The following CLOCK variants were observed in gnomAD, a reference collection of about 807,000 sequenced individuals.
CLOCK encodes circadian locomoter output cycles protein kaput.
CLOCK carries 43 observed loss-of-function variants against 118.4 expected under a neutral mutation model. The ratio of observed to expected loss-of-function variants is 0.36; its 90% confidence interval spans 0.28 to 0.47. CLOCK has a LOEUF of 0.47. Among genes scored for constraint, CLOCK ranks in the 20% least tolerant of loss-of-function variants. The pLI, the probability that CLOCK is intolerant of heterozygous loss-of-function variation, is 1.00. For synonymous variants in CLOCK, 326 were observed against 339.2 expected (o/e 0.96, Z 0.43); for missense variants, 846 against 999.9 (o/e 0.85, Z 2.08).
intron 2 of CLOCK, among the ~76,000 whole-genome samples, chr4:55,508,819 C>T (rs756113800): frequency 1.3e-5 from 2 of 152,150 alleles, no homozygotes; most frequent in Non-Finnish European, 2.9e-5. Context: ...GTCTCGATAT[C>T]CTGACCTCAT....
chr4:55,459,349 G>A (rs1299580727), intron 9 of CLOCK, 88 bp from the exon 10 acceptor site: 5 of 839,600 alleles, frequency 6.0e-6, no homozygotes, highest in Non-Finnish European at 1.0e-5. Flanking sequence ...TAAAAGTTGT[G>A]TAAGTTTACA....
intron 3 of CLOCK, among the ~76,000 whole-genome samples, chr4:55,483,051 A>T (rs1727038739): frequency 6.6e-6 from 1 of 152,210 alleles, no homozygotes; most frequent in Non-Finnish European, 1.5e-5. Context: ...ATTCAGGCTC[A>T]TATTAACTTT....
chr4:55,453,664 A>C lies in CLOCK; in HGVS notation c.1130+13T>G, dbSNP rs766355075. The C allele has an allele frequency of 1.9e-6, 3 of 1,605,582 alleles. No homozygotes were observed. Among genetic ancestry groups the C allele is most frequent in the Non-Finnish European group, 2.6e-6 (3 of 1,174,074 alleles). ...GTTACAGTAATTCAGAAATTCTCTAAAAGAATTATTACCTTACTACAGTGT... is the reference window on the plus strand; with the variant it reads ...GTTACAGTAATTCAGAAATTCTCTACAAGAATTATTACCTTACTACAGTGT... On this transcript the variant is annotated intron_variant, in intron 14 of 22. Coordinates refer to ENST00000513440, the MANE Select transcript of CLOCK (RefSeq NM_004898.4).
chr4:55,511,932 G>C (rs567234922), intron 1 of CLOCK, among the ~76,000 whole-genome samples: 1 of 151,588 alleles, frequency 6.6e-6, no homozygotes, highest in Non-Finnish European at 1.5e-5. Context: ...GTCTTTTCAC[G>C]GCTTGATAAT....
intron 18 of CLOCK, among the ~76,000 whole-genome samples, 178 bp downstream of exon 18, chr4:55,448,601 C>CGCACGT (rs764071880): frequency 8.5e-6 from 1 of 116,980 alleles, no homozygotes; most frequent in African/African-American, 3.1e-5. Context: ...CGCACGCGCG[C>CGCACGT]GTGTGTGTGT....
At chr4:55,487,088 A>AT (rs34240681) in intron 3 of CLOCK, among the ~76,000 whole-genome samples, 1 of 151,942 alleles carries the variant, frequency 6.6e-6, no homozygotes, top group Non-Finnish European at 1.5e-5. Flanking sequence ...TTTCCAATGA[A>AT]TTTTTCATTT....
At chr4:55,537,987 T>G (rs1731013228) in intron 1 of CLOCK, among the ~76,000 whole-genome samples, 1 of 152,070 alleles carries the variant, frequency 6.6e-6, no homozygotes, top group Non-Finnish European at 1.5e-5. Context: ...AGGCAGTCAA[T>G]TAAACTAAAA....
intron 1 of CLOCK, among the ~76,000 whole-genome samples, chr4:55,532,853 G>A (rs1730641705): frequency 6.6e-6 from 1 of 151,900 alleles, no homozygotes; most frequent in Non-Finnish European, 1.5e-5. Flanking sequence ...TTTAAACAAA[G>A]AAAAGGGGTC....
At chr4:55,506,613 C>T (rs1728811585) in intron 2 of CLOCK, among the ~76,000 whole-genome samples, 1 of 151,492 alleles carries the variant, frequency 6.6e-6, no homozygotes, top group Admixed American at 6.6e-5. Flanking sequence ...TCGCTCTGTC[C>T]AGGCTGGTGT....
intron 2 of CLOCK, among the ~76,000 whole-genome samples, chr4:55,499,924 C>T (rs1002707355): frequency 6.6e-6 from 1 of 152,188 alleles, no homozygotes; most frequent in African/African-American, 2.4e-5. Context: ...CCAAAGCATG[C>T]TCCAGCTTCC....
At chr4:55,486,712 T>A (rs192337656) in intron 3 of CLOCK, among the ~76,000 whole-genome samples, 1 of 152,304 alleles carries the variant, frequency 6.6e-6, no homozygotes, top group East Asian at 1.9e-4. Context: ...GCTTCCAGTG[T>A]GGTGTCAAGA....
chr4:55,450,279 A>G (rs201482489), intron 15 of CLOCK, 47 bp from the exon 16 acceptor site: 2 of 1,611,244 alleles, frequency 1.2e-6, no homozygotes, highest in African/African-American at 1.3e-5. Context: ...TTCAGTTCAG[A>G]GATCTCAAAT....
At position 55,444,750 on chromosome 4, in the gene CLOCK, A is replaced by T. The variant is rs141240333; in HGVS notation, c.1575T>A (p.His525Gln). The T allele has an allele frequency of 4.0e-5, 64 of 1,613,926 alleles. No homozygotes were observed. The highest frequency in any genetic ancestry group is 5.2e-5 in the Non-Finnish European group (61 of 1,179,998). Reference sequence around the variant, plus strand: ...TCCGTTGTTCCAATTGGTCTTTCAGATGTTGCATGGCTCCTAATTGAGCTG... The same window carrying T: ...TCCGTTGTTCCAATTGGTCTTTCAGTTGTTGCATGGCTCCTAATTGAGCTG... ...QFSAQLGAMQ[H>Q]LKDQLEQRTR... The change falls in exon 19 of 23, where the codon CAT becomes CAA. Residue 525 changes from histidine to glutamine, a missense_variant. Physicochemically the swap from His to Gln is conservative, Grantham distance 24. Coordinates refer to ENST00000513440, the MANE Select transcript of CLOCK (RefSeq NM_004898.4).
chr4:55,535,919 T>C (rs1370457707), intron 1 of CLOCK, among the ~76,000 whole-genome samples: 1 of 152,002 alleles, frequency 6.6e-6, no homozygotes, highest in African/African-American at 2.4e-5. Context: ...TTGCTTGGGT[T>C]AGAGGCTGAA....
chr4:55,514,032 G>A (rs1729326817), intron 1 of CLOCK, among the ~76,000 whole-genome samples: 1 of 152,046 alleles, frequency 6.6e-6, no homozygotes, highest in African/African-American at 2.4e-5. Context: ...CTTCTACATA[G>A]ACAATCATAT....
At chr4:55,456,821 G>C (rs892080206) in intron 11 of CLOCK, among the ~76,000 whole-genome samples, 2 of 152,026 alleles carry the variant, frequency 1.3e-5, no homozygotes, top group Non-Finnish European at 2.9e-5. Context: ...TGGGACTATA[G>C]GGATGCACCA....
rs961884653 is a variant in CLOCK at position 55,428,636 on chromosome 4, T to C, written c.*6779A>G. ...GGAAGTAAAAATGATGAGCTACATC[T>C]ACTTTTTAATTTAAAACCAAGAACC... On this transcript the variant is annotated 3_prime_UTR_variant, in exon 23 of 23. Coordinates refer to ENST00000513440, the MANE Select transcript of CLOCK (RefSeq NM_004898.4). 5 of 152,226 alleles carry C rather than the reference T, an allele frequency of 3.3e-5. No homozygotes were observed. The highest frequency in any genetic ancestry group is 4.8e-5 in the African/African-American group (2 of 41,456). 9.4% of individuals were successfully genotyped at this position (152,226 alleles called of 1,614,324 possible).
chr4:55,477,414 T>C lies in CLOCK; in HGVS notation c.257-1360A>G, dbSNP rs118053609. Among the ~76,000 whole-genome samples the C allele has an allele frequency of 9.1e-4, 138 of 152,082 alleles. 1 individual carries two copies. In the East Asian group the frequency reaches 0.023, roughly 25 times the overall value. On this transcript the variant is annotated intron_variant, in intron 6 of 22. Transcript: ENST00000513440. ...GTAATAATAGTGGTGGCAATAAATA[T>C]TGACACATTTACGAAAGAATCAACA...
intron 1 of CLOCK, chr4:55,540,770 A>G (rs1307548769): frequency 6.6e-6 from 1 of 152,288 alleles, no homozygotes; most frequent in Non-Finnish European, 1.5e-5. Flanking sequence ...CGAGCCAGCC[A>G]GATGAGCTGA....
Sources: gnomAD v4.1 joint callset for allele counts (sites outside exome capture counted in the v4.1 genomes callset) on GRCh38, gnomAD v4.1.1 for gene constraint, MANE v1.5 for transcripts, NCBI Gene and HGNC (gene_info 2026-07-23, HGNC 2026-07-21) for gene names.